Variants in AXDND1 observed in about 807,000 individuals in gnomAD.
The protein encoded by AXDND1 is axonemal dynein light chain domain containing 1, also known as axonemal dynein light chain domain-containing protein 1.
Under a neutral mutation model 137.5 loss-of-function variants are expected in AXDND1, and 110 were observed. That is an observed-to-expected ratio of 0.80 (90% CI 0.69 to 0.94). The LOEUF is 0.94. Ranked by LOEUF, AXDND1 falls within the 40% of genes least tolerant of loss-of-function variation. AXDND1 has a pLI of 0.00. For missense variants in AXDND1, 1,191 were observed against 1,169.8 expected (o/e 1.02, Z -0.26); for synonymous variants, 414 against 399.7 (o/e 1.04, Z -0.43).
intron 20 of AXDND1, among the ~76,000 whole-genome samples, chr1:179,494,500 A>G (rs6700472): frequency 0.31 from 46,687 of 149,604 alleles, 7,741 homozygotes; most frequent in Middle Eastern, 0.42. Context: ...CTTTTATCAG[A>G]TACATGATTT....
intron 23 of AXDND1, 90 bp downstream of exon 23, chr1:179,528,521 A>C: frequency 1.4e-6 from 1 of 733,382 alleles, no homozygotes; most frequent in South Asian, 2.4e-5. Context: ...AGCTACTCTA[A>C]GGGGACCAGG....
intron 11 of AXDND1, among the ~76,000 whole-genome samples, chr1:179,396,086 T>G (rs1651005051): frequency 6.6e-6 from 1 of 151,712 alleles, no homozygotes. Flanking sequence ...TGAGAATTGC[T>G]TGAACCCAGG....
intron 14 of AXDND1, 59 bp downstream of exon 14, chr1:179,430,665 TTC>T: frequency 6.6e-7 from 1 of 1,523,692 alleles, no homozygotes; most frequent in Non-Finnish European, 8.9e-7. Context: ...CTCAGTCAAA[TTC>T]TCTGTGTTCC....
chr1:179,483,578 T>C (rs1665682122), intron 18 of AXDND1, among the ~76,000 whole-genome samples: 1 of 152,212 alleles, frequency 6.6e-6, no homozygotes, highest in South Asian at 2.1e-4. Flanking sequence ...TGAATGAATT[T>C]AGGAAGAATA....
chr1:179,553,974 A>G (rs537255730), intron 25 of AXDND1, among the ~76,000 whole-genome samples: 1 of 145,960 alleles, frequency 6.9e-6, no homozygotes, highest in South Asian at 2.2e-4. Flanking sequence ...GCACAGTGGC[A>G]TGATCTTGGC....
intron 17 of AXDND1, among the ~76,000 whole-genome samples, chr1:179,469,519 G>T (rs573370212): frequency 2.6e-5 from 4 of 151,980 alleles, no homozygotes; most frequent in Non-Finnish European, 5.9e-5. Context: ...ATTTCTCTTT[G>T]GGTATATATC....
chr1:179,524,495 A>C (rs1670360606), intron 21 of AXDND1, among the ~76,000 whole-genome samples: 1 of 151,660 alleles, frequency 6.6e-6, no homozygotes, highest in African/African-American at 2.4e-5. Context: ...GGTACCTCCA[A>C]CTCTCACAGC....
At position 179,397,917 on chromosome 1, in the gene AXDND1, G is replaced by A. The variant is rs192080497; in HGVS notation, c.1109+2715G>A. 2.4e-3 allele frequency among the ~76,000 whole-genome samples: 364 copies of A among 152,192 alleles called. 2 individuals carry two copies. The highest frequency in any genetic ancestry group is 8.6e-3 in the African/African-American group (357 of 41,532). ...TTTTATTGTGATTCATAGCATCCTT[G>A]AATTGGGTTTCAGCATACTCCTGCA... On this transcript the variant is annotated intron_variant, in intron 11 of 25. Coordinates refer to ENST00000367618, the MANE Select transcript of AXDND1 (RefSeq NM_144696.6).
In AXDND1 at chr1:179,468,202, A is replaced by G. The variant is rs527909603; in HGVS notation, c.1799-241A>G. Among the ~76,000 whole-genome samples, 15 of 152,326 alleles carry G rather than the reference A, an allele frequency of 9.8e-5. 1 individual carries two copies. The South Asian group carries it at 2.5e-3, about 25-fold the overall frequency. On this transcript the variant is annotated intron_variant, in intron 16 of 25. Coordinates refer to ENST00000367618, the MANE Select transcript of AXDND1 (RefSeq NM_144696.6). ...TCTCAGCTGAAAAGACAAGAAATGT[A>G]GGATATAAACTGTCATTGAAAAAAT...
chr1:179,383,540 C>A lies in AXDND1; in HGVS notation c.737C>A (p.Thr246Lys), dbSNP rs185658017. Residue 246 changes from threonine (T) to lysine (K), a missense_variant, in exon 8 of 26, where the codon ACG (threonine) becomes AAG (lysine). Physicochemically the swap from Thr to Lys is moderately conservative, Grantham distance 78. Transcript: ENST00000367618. The stretch of plus-strand genomic sequence containing the variant: ...GAAAATCAGGAATATACAGGACCAA[C>A]GAAGGTAATTGCAAAGCCGAATGCA... ...GVENQEYTGPTKMHKLLHILK... is the reference protein window; with the variant it reads ...GVENQEYTGPKKMHKLLHILK... The A allele has an allele frequency of 8.1e-6, 13 of 1,611,356 alleles. No homozygotes were observed. The highest frequency in any genetic ancestry group is 1.1e-5 in the Non-Finnish European group (13 of 1,177,804).
intron 21 of AXDND1, among the ~76,000 whole-genome samples, chr1:179,518,863 T>A (rs140965342): frequency 0.024 from 3,700 of 152,296 alleles, 161 homozygotes; most frequent in African/African-American, 0.084. Flanking sequence ...CATGCATGTG[T>A]CTTTATCATA....
intron 11 of AXDND1, among the ~76,000 whole-genome samples, chr1:179,406,525 C>G (rs12741281): frequency 0.22 from 33,929 of 152,036 alleles, 3,851 homozygotes; most frequent in Non-Finnish European, 0.24. Context: ...CTTTATACAT[C>G]TGGGTGCTCC....
At chr1:179,542,420 G>T (rs1007358986) in intron 25 of AXDND1, among the ~76,000 whole-genome samples, 1 of 152,178 alleles carries the variant, frequency 6.6e-6, no homozygotes. Context: ...TAACCCTATA[G>T]AGTGTGAATT....
intron 16 of AXDND1, chr1:179,449,988 A>ATTCTTTTTTTTTTTTTTTTTT (rs1571882821): frequency 4.6e-5 from 3 of 65,372 alleles, no homozygotes; most frequent in African/African-American, 6.2e-5. Context: ...GCCAATCTGG[A>ATTCTTTTTTTTTTTTTTTTTT]TTTTTTTTTT....
intron 11 of AXDND1, among the ~76,000 whole-genome samples, chr1:179,402,166 A>AG (rs71111989): frequency 6.8e-6 from 1 of 146,818 alleles, no homozygotes; most frequent in East Asian, 2.0e-4. Flanking sequence ...CTCCGTCTCA[A>AG]AAAAAAAAAA....
chr1:179,382,159 AC>A (rs1264734677), intron 6 of AXDND1, among the ~76,000 whole-genome samples: 1 of 150,188 alleles, frequency 6.7e-6, no homozygotes, highest in Non-Finnish European at 1.5e-5. Flanking sequence ...GCTCACTGCA[AC>A]CCCCGCCTCC....
intron 11 of AXDND1, among the ~76,000 whole-genome samples, chr1:179,397,682 C>A (rs374395904): frequency 2.0e-5 from 3 of 152,114 alleles, no homozygotes; most frequent in African/African-American, 7.2e-5. Context: ...TTTGTTCATT[C>A]CTTTTTATTC....
intron 25 of AXDND1, among the ~76,000 whole-genome samples, chr1:179,540,976 A>G (rs1393437534): frequency 6.6e-6 from 1 of 152,068 alleles, no homozygotes; most frequent in Non-Finnish European, 1.5e-5. Context: ...TTACACTGTG[A>G]GCATAAAACC....
chr1:179,429,411 A>G (rs922287533), intron 12 of AXDND1, 107 bp from the exon 13 acceptor site: 1 of 514,042 alleles, frequency 1.9e-6, no homozygotes, highest in Non-Finnish European at 3.2e-6. Context: ...GAGAAATTTT[A>G]GTTGAGTTAA....
Sources: allele counts gnomAD v4.1 joint callset (sites outside exome capture counted in the v4.1 genomes callset), GRCh38; gene constraint gnomAD v4.1.1; transcripts MANE v1.5; gene names NCBI Gene and HGNC (gene_info 2026-07-23, HGNC 2026-07-21).